SUFU: variants seen among roughly 807,000 people sequenced by gnomAD.
SUFU encodes the protein SUFU negative regulator of hedgehog signaling, also known as suppressor of fused homolog.
A neutral mutation model predicts 58.9 loss-of-function variants in SUFU; 7 were observed. The observed-to-expected ratio is 0.12, with a 90% CI of 0.07 to 0.22. SUFU has a LOEUF of 0.22. SUFU is among the 10% of genes least tolerant of loss of function. The pLI, the probability that SUFU is intolerant of heterozygous loss-of-function variation, is 1.00. For missense variants in SUFU, 451 were observed against 641.3 expected (o/e 0.70, Z 3.20); for synonymous variants, 232 against 254.8 (o/e 0.91, Z 0.85).
intron 3 of SUFU, among the ~76,000 whole-genome samples, chr10:102,564,006 G>A (rs1484178007): frequency 6.6e-6 from 1 of 152,158 alleles, no homozygotes; most frequent in African/African-American, 2.4e-5. Context: ...CTAAGAAGGG[G>A]ACCCTCTTAT....
chr10:102,615,482 G>C, intron 9 of SUFU, 80 bp downstream of exon 9: 2 of 1,603,666 alleles, frequency 1.2e-6, no homozygotes, highest in South Asian at 2.2e-5. Flanking sequence ...AGCCTCCCCA[G>C]CCCCCTCCCC....
In SUFU at chr10:102,619,884, C is replaced by T. The variant is rs749294559; in HGVS notation, c.1296+2456C>T. Among the ~76,000 whole-genome samples, 5 of 152,142 alleles carry T rather than the reference C, an allele frequency of 3.3e-5. No individual in the cohort carries two copies. Among genetic ancestry groups the T allele is most frequent in the Admixed American group, 6.5e-5 (1 of 15,270 alleles). The stretch of plus-strand genomic sequence containing the variant: ...TCCTAGAGGCCTGGGGTTAGACTTG[C>T]AGTCGCCAGTGAGGGCCACTCCACT... On this transcript the variant is annotated intron_variant, in intron 10 of 11. Transcript: ENST00000369902. The surrounding 1 kb of genome is among the most constrained non-coding windows in gnomAD (Gnocchi z 4.2).
At chr10:102,610,071 T>C (rs1186249119) in intron 8 of SUFU, among the ~76,000 whole-genome samples, 2 of 152,098 alleles carry the variant, frequency 1.3e-5, no homozygotes, top group African/African-American at 4.8e-5. Flanking sequence ...AACATCGTCG[T>C]TGCCTTTTTA....
At chr10:102,522,472 AGACTGAGATT>A (rs1436013488) in intron 2 of SUFU, among the ~76,000 whole-genome samples, 2 of 152,206 alleles carry the variant, frequency 1.3e-5, no homozygotes, top group East Asian at 3.8e-4. Context: ...GTGGTACAGA[AGACTGAGATT>A]GGCTTACAGA....
chr10:102,513,091 A>G (rs969670407), intron 2 of SUFU, among the ~76,000 whole-genome samples: 1 of 152,102 alleles, frequency 6.6e-6, no homozygotes, highest in South Asian at 2.1e-4. Context: ...AGAAAGAAAA[A>G]TAATAAAACA....
intron 3 of SUFU, among the ~76,000 whole-genome samples, chr10:102,563,467 T>G (rs530330372): frequency 2.0e-5 from 3 of 152,222 alleles, no homozygotes; most frequent in African/African-American, 7.2e-5. Context: ...TCATGGTGCA[T>G]TTGCCTCAAT....
At chr10:102,551,958 CT>C (rs1186712004) in intron 3 of SUFU, among the ~76,000 whole-genome samples, 6 of 151,740 alleles carry the variant, frequency 4.0e-5, no homozygotes, top group Non-Finnish European at 8.8e-5. Flanking sequence ...ATCTCCTGAC[CT>C]CGTGATCCAC....
At chr10:102,549,582 GCAAA>G (rs1222372272) in intron 2 of SUFU, among the ~76,000 whole-genome samples, 1 of 152,212 alleles carries the variant, frequency 6.6e-6, no homozygotes, top group Non-Finnish European at 1.5e-5. Context: ...TGTATCCTTA[GCAAA>G]CAAAGTAGAT....
At chr10:102,524,673 A>G (rs1423054151) in intron 2 of SUFU, among the ~76,000 whole-genome samples, 1 of 152,148 alleles carries the variant, frequency 6.6e-6, no homozygotes, top group Non-Finnish European at 1.5e-5. Context: ...ATGCTTTAAG[A>G]AATTTTTTTT....
At position 102,504,035 on chromosome 10, in the gene SUFU, C is replaced by A. The variant is rs572377233; in HGVS notation, c.-118C>A. ...CGTGCGCAGGCGCGGAGCTAGACCT[C>A]GCTGCAGCCCCCATCGCCTCGGGGA... On this transcript the variant is annotated 5_prime_UTR_variant, in exon 1 of 12. Transcript: ENST00000369902. 2.9e-6 allele frequency: 4 copies of A among 1,357,910 alleles called. No homozygotes were observed. In the African/African-American group the frequency reaches 4.5e-5, roughly 15 times the overall value. The allele number at this position is 1,357,910 out of a possible 1,614,324, so 84.1% of individuals were successfully genotyped here. A position where few individuals can be genotyped will look rare whatever the true frequency, so the allele number is the denominator to read the frequency against.
chr10:102,504,214 C>A lies in SUFU; in HGVS notation c.62C>A (p.Thr21Asn). The change falls in exon 1 of 12, where the codon ACT becomes AAT. Residue 21 changes from threonine (T) to asparagine (N), a missense_variant. Physicochemically the swap from Thr to Asn is moderately conservative, Grantham distance 65. Coordinates refer to ENST00000369902, the MANE Select transcript of SUFU (RefSeq NM_016169.4). ...ACCGCGCCCCCGGCCCCTGGCCCGA[C>A]TGCCCCCCCGGCCTTCGCTTCGCTC... is the stretch of plus-strand genomic sequence containing the variant. ...GPTAPPAPGP[T>N]APPAFASLFP... 1 of 1,606,688 alleles carries A rather than the reference C, an allele frequency of 6.2e-7. No individual in the cohort carries two copies. The highest frequency in any genetic ancestry group is 1.1e-5 in the South Asian group (1 of 90,388).
rs572531867 is a variant in SUFU, at chr10:102,520,276, G to C, written c.317+10973G>C. On this transcript the variant is annotated intron_variant, in intron 2 of 11. Coordinates refer to ENST00000369902, the MANE Select transcript of SUFU (RefSeq NM_016169.4). The stretch of plus-strand genomic sequence containing the variant: ...CTTGTTGCCCAGGCTGGAGCACAAT[G>C]GTGCGATCTCAGCTCACTGCAGCCT... Among the ~76,000 whole-genome samples, 8 of 141,392 alleles carry C rather than the reference G, an allele frequency of 5.7e-5. No homozygotes were observed. The South Asian group carries it at 1.8e-3, about 31-fold the overall frequency. 92.8% of individuals were successfully genotyped at this position (141,392 alleles called of 152,430 possible).
At chr10:102,527,210 G>A (rs1046430373) in intron 2 of SUFU, among the ~76,000 whole-genome samples, 8 of 151,906 alleles carry the variant, frequency 5.3e-5, no homozygotes, top group African/African-American at 1.7e-4. Context: ...CACCGTGTTA[G>A]CCAGGATGGT....
rs748195022 is a variant in SUFU, at chr10:102,630,053, G to T, written c.1366-13G>T. On this transcript the variant is annotated splice_polypyrimidine_tract_variant and intron_variant, in intron 11 of 11. Coordinates refer to ENST00000369902, the MANE Select transcript of SUFU (RefSeq NM_016169.4). ...CCACTCACACTCCTGGTCTGTGCTT[G>T]CTCCCTCCACAGTTCAAACTTCCCA... 2 of 1,612,718 alleles carry T rather than the reference G, an allele frequency of 1.2e-6. No homozygotes were observed. The highest frequency in any genetic ancestry group is 8.5e-7 in the Non-Finnish European group (1 of 1,178,830).
intron 2 of SUFU, among the ~76,000 whole-genome samples, chr10:102,547,855 G>A (rs1401863034): frequency 6.6e-6 from 1 of 151,856 alleles, no homozygotes; most frequent in Non-Finnish European, 1.5e-5. Context: ...GAAAGAAAGA[G>A]AGAAAGAAAG....
At chr10:102,521,828 T>C (rs1305695251) in intron 2 of SUFU, among the ~76,000 whole-genome samples, 1 of 152,218 alleles carries the variant, frequency 6.6e-6, no homozygotes, top group Non-Finnish European at 1.5e-5. Context: ...AATGTCTTAG[T>C]TGTAATTTTG....
At chr10:102,571,647 G>A (rs949566417) in intron 3 of SUFU, among the ~76,000 whole-genome samples, 2 of 152,134 alleles carry the variant, frequency 1.3e-5, no homozygotes, top group Non-Finnish European at 2.9e-5. Context: ...TCAAGATTGC[G>A]CCACTGCACT....
intron 4 of SUFU, among the ~76,000 whole-genome samples, chr10:102,593,398 C>T (rs1355630889): frequency 6.6e-6 from 1 of 152,196 alleles, no homozygotes; most frequent in African/African-American, 2.4e-5. Context: ...TTGGTGTCAT[C>T]CAGACACAGC....
At chr10:102,572,741 C>T (rs1175812629) in intron 3 of SUFU, 2 of 736,902 alleles carry the variant, frequency 2.7e-6, no homozygotes, top group Non-Finnish European at 5.0e-6. Flanking sequence ...TTTAGAATTA[C>T]CCAGCTGGAC....
Sources: allele counts gnomAD v4.1 joint callset (sites outside exome capture counted in the v4.1 genomes callset), GRCh38; gene constraint gnomAD v4.1.1; non-coding constraint Gnocchi (gnomAD v3.1); transcripts MANE v1.5; gene names NCBI Gene and HGNC (gene_info 2026-07-23, HGNC 2026-07-21).